The following PLCL1 variants were observed in gnomAD, a reference collection of about 807,000 sequenced individuals.
PLCL1 encodes the protein inactive phospholipase C-like protein 1.
A neutral mutation model predicts 84.4 loss-of-function variants in PLCL1; 41 were observed. The ratio of observed to expected loss-of-function variants is 0.49; its 90% CI spans 0.38 to 0.63. PLCL1 has a LOEUF of 0.63. Ranked by LOEUF, PLCL1 falls within the 30% of genes least tolerant of loss-of-function variation. The pLI, the probability that PLCL1 is intolerant of heterozygous loss-of-function variation, is 0.00. For synonymous variants in PLCL1, 490 were observed against 488.3 expected, an observed-to-expected ratio of 1.00 and a Z score of -0.05; for missense variants, 1,206 against 1,367.8, an observed-to-expected ratio of 0.88 and a Z score of 1.87.
chr2:198,064,020 G>A (rs1318517893), intron 1 of PLCL1, among the ~76,000 whole-genome samples: 2 of 152,126 alleles, frequency 1.3e-5, no homozygotes, highest in African/African-American at 4.8e-5. Flanking sequence ...AATCATTATA[G>A]TACATAGCTA....
intron 1 of PLCL1, among the ~76,000 whole-genome samples, chr2:197,955,155 G>A (rs1689460495): frequency 6.6e-6 from 1 of 151,982 alleles, no homozygotes; most frequent in African/African-American, 2.4e-5. Flanking sequence ...AGTTGTAGGA[G>A]TCTCCTAGCT....
intron 1 of PLCL1, among the ~76,000 whole-genome samples, chr2:197,984,770 C>T (rs754587496): frequency 3.3e-5 from 5 of 151,440 alleles, no homozygotes; most frequent in South Asian, 2.1e-4. Context: ...CATTAGAAAT[C>T]GGCCTGTTAT....
chr2:197,964,210 T>C (rs1157571749), intron 1 of PLCL1, among the ~76,000 whole-genome samples: 1 of 152,156 alleles, frequency 6.6e-6, no homozygotes, highest in Non-Finnish European at 1.5e-5. Context: ...TCTAACAGTA[T>C]TAATTCTTCC....
intron 5 of PLCL1, among the ~76,000 whole-genome samples, chr2:198,116,788 A>G (rs76881958): frequency 6.6e-6 from 1 of 151,922 alleles, no homozygotes; most frequent in Non-Finnish European, 1.5e-5. Flanking sequence ...ATCCTTCCCT[A>G]TGCAGTGAAA....
chr2:198,062,028 G>T (rs867348890), intron 1 of PLCL1, among the ~76,000 whole-genome samples: 1 of 152,096 alleles, frequency 6.6e-6, no homozygotes, highest in Admixed American at 6.6e-5. Context: ...ATAAATGACG[G>T]CTCCCTTCCT....
chr2:198,011,874 T>C (rs1032181451), intron 1 of PLCL1, among the ~76,000 whole-genome samples: 1 of 152,152 alleles, frequency 6.6e-6, no homozygotes, highest in African/African-American at 2.4e-5. Context: ...CGTTGTCTCT[T>C]GTGACAATTT....
intron 1 of PLCL1, among the ~76,000 whole-genome samples, chr2:197,807,642 C>A (rs1329147026): frequency 6.6e-6 from 1 of 152,076 alleles, no homozygotes; most frequent in Admixed American, 6.6e-5. Flanking sequence ...ATACATAGCA[C>A]ATGTTCTATA....
intron 1 of PLCL1, among the ~76,000 whole-genome samples, chr2:198,016,475 T>C (rs1052932056): frequency 1.3e-5 from 2 of 152,190 alleles, no homozygotes; most frequent in African/African-American, 4.8e-5. Flanking sequence ...GTAAGCACAG[T>C]GGCTGCAGTC....
At chr2:197,835,008 A>G (rs1024382701) in intron 1 of PLCL1, among the ~76,000 whole-genome samples, 7 of 152,232 alleles carry the variant, frequency 4.6e-5, no homozygotes, top group South Asian at 2.1e-4. Flanking sequence ...AGAGACATGG[A>G]TGAAGCTGGA....
At chr2:197,853,933 G>C (rs538760351) in intron 1 of PLCL1, among the ~76,000 whole-genome samples, 1 of 152,248 alleles carries the variant, frequency 6.6e-6, no homozygotes, top group East Asian at 1.9e-4. Context: ...ACACTTATAG[G>C]ATCTATCTGG....
At chr2:197,878,399 T>TTA in intron 1 of PLCL1, among the ~76,000 whole-genome samples, 1 of 152,284 alleles carries the variant, frequency 6.6e-6, no homozygotes, top group Non-Finnish European at 1.5e-5. Flanking sequence ...TTTGAATTGG[T>TTA]TACTTCATAT....
intron 1 of PLCL1, among the ~76,000 whole-genome samples, chr2:197,992,017 G>A (rs1690355197): frequency 6.6e-6 from 1 of 151,904 alleles, no homozygotes; most frequent in African/African-American, 2.4e-5. Context: ...CTTTTGATGA[G>A]GCCCCTTGCT....
chr2:197,959,526 T>C (rs533311021), intron 1 of PLCL1, among the ~76,000 whole-genome samples: 57 of 152,144 alleles, frequency 3.7e-4, no homozygotes, highest in African/African-American at 1.3e-3. Flanking sequence ...TCAAATCTCA[T>C]TGAGAAGATC....
intron 1 of PLCL1, among the ~76,000 whole-genome samples, chr2:198,054,546 CTG>C (rs1228345349): frequency 6.6e-6 from 1 of 152,226 alleles, no homozygotes. Flanking sequence ...AGCCCCATCT[CTG>C]TAACTTTTTT....
chr2:197,914,082 A>G (rs2105748606), intron 1 of PLCL1, among the ~76,000 whole-genome samples: 1 of 152,270 alleles, frequency 6.6e-6, no homozygotes, highest in East Asian at 1.9e-4. Context: ...ATTTGTAGTA[A>G]CCACTGATAG....
At chr2:198,042,393 A>G (rs958220470) in intron 1 of PLCL1, among the ~76,000 whole-genome samples, 6 of 152,220 alleles carry the variant, frequency 3.9e-5, no homozygotes, top group African/African-American at 1.4e-4. Flanking sequence ...TAGAAAGGTT[A>G]ATCTGCAATA....
chr2:198,000,058 C>G (rs1043310359), intron 1 of PLCL1, among the ~76,000 whole-genome samples: 9 of 152,164 alleles, frequency 5.9e-5, no homozygotes, highest in Non-Finnish European at 1.3e-4. Context: ...CAAATAACCT[C>G]TGACCTCCTG....
At chr2:197,963,659 C>A (rs1286300239) in intron 1 of PLCL1, among the ~76,000 whole-genome samples, 2 of 152,010 alleles carry the variant, frequency 1.3e-5, no homozygotes. Context: ...AAATCTTTGC[C>A]CAGTCCAATG....
intron 1 of PLCL1, among the ~76,000 whole-genome samples, chr2:197,941,247 G>C (rs1256104701): frequency 6.6e-6 from 1 of 151,894 alleles, no homozygotes; most frequent in East Asian, 1.9e-4. Flanking sequence ...TGGGAAGCAA[G>C]TGCCCCCATG....
Sources: gnomAD v4.1 joint callset for allele counts (sites outside exome capture counted in the v4.1 genomes callset) on GRCh38, gnomAD v4.1.1 for gene constraint, MANE v1.5 for transcripts, NCBI Gene and HGNC (gene_info 2026-07-23, HGNC 2026-07-21) for gene names.